The following RNF213 variants were observed in gnomAD, a reference collection of about 807,000 sequenced individuals.
RNF213 encodes the protein ring finger protein 213.
In RNF213, 341 loss-of-function variants were observed where a neutral mutation model predicts 514.4. The ratio of observed to expected loss-of-function variants is 0.66; its 90% confidence interval spans 0.61 to 0.73. The LOEUF (loss-of-function observed/expected upper bound fraction) is 0.73, where lower values mean the gene tolerates loss of function less well. Among genes scored for constraint, RNF213 ranks in the 30% least tolerant of loss-of-function variants. RNF213 has a pLI of 0.00. For synonymous variants in RNF213, 2,655 were observed against 2,658.2 expected (o/e 1.00, Z 0.04); for missense variants, 5,767 against 6,615.6 (o/e 0.87, Z 4.45).
chr17:80,313,526 G>A (rs189866084), intron 15 of RNF213, among the ~76,000 whole-genome samples: 312 of 124,428 alleles, frequency 2.5e-3, no homozygotes, highest in Admixed American at 4.6e-3. Flanking sequence ...TGGTGGTGAA[G>A]GTGATGGTGA....
At position 80,376,976 on chromosome 17, in the gene RNF213, G is replaced by A. The variant is rs144121700; in HGVS notation, c.13510+13G>A. The stretch of plus-strand genomic sequence containing the variant: ...GTCCACTGGTACAGTAAGTGTTGGG[G>A]TCTAGATGACCCCACACTCCTTTGA... On this transcript the variant is annotated intron_variant, in intron 53 of 67. Transcript: ENST00000582970. 3.7e-6 allele frequency: 6 copies of A among 1,601,754 alleles called. No homozygotes were observed. In the South Asian group the frequency reaches 5.5e-5, roughly 15 times the overall value.
chr17:80,263,471 AGGG>A lies in RNF213; in HGVS notation c.-108-100_-108-98del, dbSNP rs35224052. ...AGAGACTGCAAAAGCTTGAGAGCCA[AGGG>A]GGCAGCACAGAGCGGGGAGGGGCTG... On this transcript the variant is annotated intron_variant, in intron 1 of 67. Transcript: ENST00000582970. This position sits in a 1 kb window ranked among gnomAD's most constrained non-coding sequence, Gnocchi z 4.9. The A allele has an allele frequency of 1.7e-6, 1 of 586,482 alleles. No individual in the cohort carries two copies. Among genetic ancestry groups the A allele is most frequent in the Non-Finnish European group, 3.1e-6 (1 of 321,990 alleles). The allele number at this position is 586,482 out of a possible 1,614,324, so 36.3% of individuals were successfully genotyped here.
At chr17:80,333,314 C>T (rs966972860) in intron 21 of RNF213, among the ~76,000 whole-genome samples, 22 of 151,374 alleles carry the variant, frequency 1.5e-4, no homozygotes, top group African/African-American at 4.8e-4. Flanking sequence ...CCCACCGTGG[C>T]CTCCCAAAGT....
rs2045623392 is a variant in RNF213 at position 80,313,008 on chromosome 17, A to G, written c.2656-4A>G. On this transcript the variant is annotated splice_polypyrimidine_tract_variant and splice_region_variant and intron_variant, in intron 14 of 67. Coordinates refer to ENST00000582970, the MANE Select transcript of RNF213 (RefSeq NM_001256071.3). Reference sequence around the variant, plus strand: ...GACTGACCCTCCCTCTTGTGTGACAACAGGATTCTGCAGGACAGAGAGATG... The same window carrying G: ...GACTGACCCTCCCTCTTGTGTGACAGCAGGATTCTGCAGGACAGAGAGATG... The G allele has an allele frequency of 8.1e-6, 13 of 1,613,746 alleles. No individual in the cohort carries two copies. Among genetic ancestry groups the G allele is most frequent in the Non-Finnish European group, 9.3e-6 (11 of 1,180,004 alleles).
intron 3 of RNF213, chr17:80,278,973 G>T (rs2044165036): frequency 1.2e-5 from 19 of 1,525,516 alleles, no homozygotes; most frequent in Non-Finnish European, 1.7e-5. Context: ...GCACAGCCTG[G>T]CACGGCCACC....
Position 80,350,219 on chromosome 17 carries a change from T to C in RNF213, c.10089-82T>C, listed in dbSNP as rs995249003. ...AGTAGCTGTTTCTTTGTAGCCTTTA[T>C]GTTTCCCATCACTTTGGGGAATTTT... On this transcript the variant is annotated intron_variant, in intron 30 of 67. Coordinates refer to ENST00000582970, the MANE Select transcript of RNF213 (RefSeq NM_001256071.3). 1.8e-5 allele frequency: 16 copies of C among 908,934 alleles called. No individual in the cohort carries two copies. In the Admixed American group the frequency reaches 2.5e-4, roughly 14 times the overall value. 56.3% of individuals were successfully genotyped at this position (908,934 alleles called of 1,614,324 possible). A position where few individuals can be genotyped will look rare whatever the true frequency, so the allele number is the denominator to read the frequency against.
intron 32 of RNF213, chr17:80,352,640 C>T: frequency 1.7e-6 from 1 of 602,020 alleles, no homozygotes; most frequent in Non-Finnish European, 3.0e-6. Flanking sequence ...ACAGCAAATA[C>T]AACAATGCAT....
At chr17:80,361,583 C>A in intron 38 of RNF213, 151 bp from the exon 39 acceptor site, 2 of 785,362 alleles carry the variant, frequency 2.5e-6, no homozygotes, top group South Asian at 1.4e-5. Flanking sequence ...TCCTTCAATT[C>A]CCTACAAAAT....
In RNF213 at chr17:80,386,237, C is replaced by T; in HGVS notation, c.14540-13C>T. On this transcript the variant is annotated splice_polypyrimidine_tract_variant and intron_variant, in intron 61 of 67. Transcript: ENST00000582970. ...AACTCCTCTCTGCTTAAGCATAACCCTGTCGTTTAAAGGTGAGATCAACCT... is the reference window on the plus strand; with the variant it reads ...AACTCCTCTCTGCTTAAGCATAACCTTGTCGTTTAAAGGTGAGATCAACCT... 4 of 1,604,246 alleles carry T rather than the reference C, an allele frequency of 2.5e-6. No individual in the cohort carries two copies. Among genetic ancestry groups the T allele is most frequent in the Non-Finnish European group, 3.4e-6 (4 of 1,179,748 alleles).
intron 50 of RNF213, chr17:80,374,975 CATGT>C (rs2079687873): frequency 7.6e-6 from 2 of 263,016 alleles, no homozygotes; most frequent in Non-Finnish European, 7.6e-6. Flanking sequence ...TTCAGATATG[CATGT>C]GTGTTTAATA....
chr17:80,393,921 C>G lies in RNF213; in HGVS notation c.*423C>G, dbSNP rs2080584295. 4 of 204,128 alleles carry G rather than the reference C, an allele frequency of 2.0e-5. No homozygotes were observed. The South Asian group carries it at 3.2e-4, about 16-fold the overall frequency. 12.6% of individuals were successfully genotyped at this position (204,128 alleles called of 1,614,324 possible). A position where few individuals can be genotyped will look rare whatever the true frequency, so the allele number is the denominator to read the frequency against. On this transcript the variant is annotated 3_prime_UTR_variant, in exon 68 of 68. Coordinates refer to ENST00000582970, the MANE Select transcript of RNF213 (RefSeq NM_001256071.3). ...TCACAAAAGAGAATCTCATTTTCTT[C>G]TTTCTTCCATTCCCTTAAATTCTGA...
intron 36 of RNF213, among the ~76,000 whole-genome samples, chr17:80,356,685 G>A (rs987904259): frequency 4.6e-5 from 7 of 152,326 alleles, no homozygotes; most frequent in Admixed American, 6.5e-5. Flanking sequence ...GGCGGCTCCC[G>A]CCTCTCCCAG....
Position 80,339,251 on chromosome 17 carries a change from T to C in RNF213, c.4884T>C (p.Ser1628=). 6.6e-7 allele frequency: 1 copy of C among 1,520,930 alleles called. No individual in the cohort carries two copies. Among genetic ancestry groups the C allele is most frequent in the East Asian group, 2.5e-5 (1 of 40,692 alleles). 94.2% of individuals were successfully genotyped at this position (1,520,930 alleles called of 1,614,324 possible). ...GCCAGGCCTTCATCGACCTGCACTC[T>C]GCTGGGAATATGCTGTTCAGGACGT... The part of the protein sequence containing the change: ...RLSQAFIDLH[S]AGNMLFRTWI... The change falls in exon 26 of 68, where the codon TCT becomes TCC. Residue 1628 remains serine, a synonymous_variant. Transcript: ENST00000582970.
At chr17:80,319,532 C>A in intron 17 of RNF213, 2 of 1,612,730 alleles carry the variant, frequency 1.2e-6, no homozygotes, top group South Asian at 1.1e-5. Flanking sequence ...TCGCACCATC[C>A]TGCATGTGTT....
At chr17:80,314,181 GTGGTGGTGAAGGTGATGGTGGAGGTAA>G (rs2045732889) in intron 15 of RNF213, among the ~76,000 whole-genome samples, 2 of 121,832 alleles carry the variant, frequency 1.6e-5, no homozygotes, top group African/African-American at 3.5e-5. Context: ...GGAGGTGATG[GTGGTGGTGAAGGTGATGGTGGAGGTAA>G]TGGAGGTGAT....
At position 80,263,622 on chromosome 17, in the gene RNF213, C is replaced by T. The variant is rs2043502301; in HGVS notation, c.-60C>T. Reference sequence around the variant, plus strand: ...ACGTGACAGGACATGTAGTATATAGCAGGCTGCCAGCGACTCCTGCTCTTG... The same window carrying T: ...ACGTGACAGGACATGTAGTATATAGTAGGCTGCCAGCGACTCCTGCTCTTG... On this transcript the variant is annotated 5_prime_UTR_variant, in exon 2 of 68. Coordinates refer to ENST00000582970, the MANE Select transcript of RNF213 (RefSeq NM_001256071.3). The surrounding 1 kb of genome is among the most constrained non-coding windows in gnomAD (Gnocchi z 4.9). 1 of 1,360,232 alleles carries T rather than the reference C, an allele frequency of 7.4e-7. No individual in the cohort carries two copies. The highest frequency in any genetic ancestry group is 1.1e-6 in the Non-Finnish European group (1 of 948,308). 84.3% of individuals were successfully genotyped at this position (1,360,232 alleles called of 1,614,324 possible).
rs1568168907 is a variant in RNF213, at chr17:80,385,587, A to G, written c.14505A>G (p.Thr4835=). ...ACAGGATCACAGTCTTTCTGTCCAC[A>G]TGGAACAAACTGAGGAGATCGCTTG... ...LHNRITVFLS[T]WNKLRRSLET... is the part of the protein sequence containing the mutation. The change falls in exon 61 of 68, where the codon ACA becomes ACG. Residue 4835 remains threonine (T), a synonymous_variant. Coordinates refer to ENST00000582970, the MANE Select transcript of RNF213 (RefSeq NM_001256071.3). 3.1e-6 allele frequency: 5 copies of G among 1,614,156 alleles called. No homozygotes were observed. The highest frequency in any genetic ancestry group is 4.2e-6 in the Non-Finnish European group (5 of 1,180,010).
chr17:80,384,346 A>G (rs763184514), intron 59 of RNF213, among the ~76,000 whole-genome samples: 27 of 152,150 alleles, frequency 1.8e-4, no homozygotes, highest in Non-Finnish European at 3.7e-4. Flanking sequence ...GACGGGAGTG[A>G]GTGGGTGTGT....
chr17:80,290,996 AC>A (rs1249618746), intron 7 of RNF213, among the ~76,000 whole-genome samples: 3 of 151,886 alleles, frequency 2.0e-5, no homozygotes, highest in Non-Finnish European at 4.4e-5. Context: ...TTTAGTAGAG[AC>A]GGAGTTTCTA....
Sources: allele counts gnomAD v4.1 joint callset (sites outside exome capture counted in the v4.1 genomes callset), GRCh38; gene constraint gnomAD v4.1.1; non-coding constraint Gnocchi (gnomAD v3.1); transcripts MANE v1.5; gene names NCBI Gene and HGNC (gene_info 2026-07-23, HGNC 2026-07-21).